ARL15: variants seen among roughly 807,000 people sequenced by gnomAD.
ARL15 encodes ADP-ribosylation factor-like protein 15.
A neutral mutation model predicts 25.2 loss-of-function variants in ARL15; 19 were observed. The observed-to-expected ratio is 0.75, with a 90% confidence interval of 0.53 to 1.10. The LOEUF (loss-of-function observed/expected upper bound fraction) is 1.10. ARL15 is among the 50% of genes least tolerant of loss of function. The probability of loss-of-function intolerance (pLI) is 0.00; values close to 1 mark genes in which losing one functional copy is unlikely to be tolerated. For synonymous variants in ARL15, 94 were observed against 86.8 expected (o/e 1.08, Z -0.46); for missense variants, 220 against 246.0 (o/e 0.89, Z 0.71).
intron 4 of ARL15, among the ~76,000 whole-genome samples, chr5:54,006,947 C>T (rs1749065089): frequency 6.6e-6 from 1 of 151,976 alleles, no homozygotes; most frequent in South Asian, 2.1e-4. Flanking sequence ...ACAAAATTAG[C>T]CGGGGTGGTG....
intron 1 of ARL15, among the ~76,000 whole-genome samples, chr5:54,259,339 T>C (rs13156373): frequency 0.067 from 10,271 of 152,260 alleles, 440 homozygotes; most frequent in African/African-American, 0.11. Flanking sequence ...CCATTCCTGA[T>C]GACTCACACC....
chr5:54,148,966 T>C (rs960114603), intron 3 of ARL15, among the ~76,000 whole-genome samples: 1 of 152,208 alleles, frequency 6.6e-6, no homozygotes, highest in African/African-American at 2.4e-5. Context: ...GAAACCTGTT[T>C]GTAAATTTAA....
At chr5:54,022,568 C>T (rs939528002) in intron 4 of ARL15, among the ~76,000 whole-genome samples, 4 of 152,106 alleles carry the variant, frequency 2.6e-5, no homozygotes, top group Non-Finnish European at 4.4e-5. Flanking sequence ...AGACTTTATC[C>T]GTATAACAAG....
At chr5:54,126,166 A>T (rs1390361361) in intron 3 of ARL15, among the ~76,000 whole-genome samples, 1 of 152,088 alleles carries the variant, frequency 6.6e-6, no homozygotes, top group Non-Finnish European at 1.5e-5. Flanking sequence ...CCTCTTTGGG[A>T]AAGTCTTTAC....
chr5:53,928,963 G>A (rs1451001188), intron 4 of ARL15, among the ~76,000 whole-genome samples: 1 of 152,120 alleles, frequency 6.6e-6, no homozygotes, highest in Non-Finnish European at 1.5e-5. Flanking sequence ...AGTTTGTATA[G>A]GGCCCACGTA....
chr5:54,237,700 G>A (rs908300509), intron 1 of ARL15, among the ~76,000 whole-genome samples: 1 of 152,190 alleles, frequency 6.6e-6, no homozygotes, highest in African/African-American at 2.4e-5. Context: ...GTTACCACCT[G>A]AGGGCACTAC....
chr5:53,915,094 A>C (rs1281150088), intron 4 of ARL15, among the ~76,000 whole-genome samples: 2 of 152,230 alleles, frequency 1.3e-5, no homozygotes, highest in Non-Finnish European at 2.9e-5. Context: ...TACAGGCATG[A>C]GCCACTGCAT....
intron 4 of ARL15, among the ~76,000 whole-genome samples, chr5:53,890,133 GTTATC>G (rs1358483363): frequency 1.3e-5 from 2 of 151,972 alleles, no homozygotes; most frequent in Admixed American, 6.6e-5. Context: ...TTTTTATTTT[GTTATC>G]TTATATCAAT....
intron 1 of ARL15, among the ~76,000 whole-genome samples, chr5:54,276,504 T>G (rs941340248): frequency 2.6e-5 from 4 of 152,210 alleles, no homozygotes; most frequent in Admixed American, 2.6e-4. Context: ...TTCTTTTTTC[T>G]CTAGAAGAGG....
chr5:53,954,174 T>C (rs531038325), intron 4 of ARL15, among the ~76,000 whole-genome samples: 63 of 152,000 alleles, frequency 4.1e-4, no homozygotes, highest in African/African-American at 1.5e-3. Context: ...TCCTAATGTT[T>C]GGGAAATCAG....
intron 4 of ARL15, among the ~76,000 whole-genome samples, chr5:53,928,260 G>A (rs3776738): frequency 0.078 from 11,819 of 152,234 alleles, 703 homozygotes; most frequent in East Asian, 0.34. Flanking sequence ...GATATTAAAT[G>A]AGGGCAGTAT....
intron 4 of ARL15, 149 bp downstream of exon 4, chr5:54,113,053 A>G: frequency 1.3e-6 from 1 of 744,646 alleles, no homozygotes; most frequent in Non-Finnish European, 2.1e-6. Flanking sequence ...AGATTGATAT[A>G]GGCTTTCTGC....
At chr5:53,958,722 A>G (rs1254942695) in intron 4 of ARL15, among the ~76,000 whole-genome samples, 1 of 152,204 alleles carries the variant, frequency 6.6e-6, no homozygotes, top group African/African-American at 2.4e-5. Flanking sequence ...ACAGATGAAA[A>G]AAGATATTGT....
intron 4 of ARL15, among the ~76,000 whole-genome samples, chr5:53,964,315 A>C (rs1580123357): frequency 6.6e-6 from 1 of 152,178 alleles, no homozygotes; most frequent in South Asian, 2.1e-4. Flanking sequence ...TCCCTTGAGA[A>C]AGATGCCTGA....
intron 4 of ARL15, among the ~76,000 whole-genome samples, chr5:53,927,875 G>A (rs184788412): frequency 1.1e-3 from 170 of 152,270 alleles, no homozygotes; most frequent in Non-Finnish European, 2.1e-4. Flanking sequence ...GTCTGACTTT[G>A]CCCTTTACTA....
At chr5:54,156,182 T>A (rs1754227201) in intron 2 of ARL15, among the ~76,000 whole-genome samples, 1 of 152,204 alleles carries the variant, frequency 6.6e-6, no homozygotes, top group East Asian at 1.9e-4. Flanking sequence ...ATCCCAGTAC[T>A]TTAATAAGCT....
intron 4 of ARL15, among the ~76,000 whole-genome samples, chr5:54,049,416 G>C (rs1750637885): frequency 6.6e-6 from 1 of 151,514 alleles, no homozygotes; most frequent in Non-Finnish European, 1.5e-5. Context: ...CTATACATAG[G>C]TATCTTAAAT....
intron 1 of ARL15, among the ~76,000 whole-genome samples, chr5:54,199,121 C>T (rs1445290899): frequency 2.0e-5 from 3 of 152,136 alleles, no homozygotes; most frequent in African/African-American, 7.2e-5. Context: ...TGGATCCCTT[C>T]CTTACATCTT....
At chr5:54,039,825 A>C (rs991134430) in intron 4 of ARL15, among the ~76,000 whole-genome samples, 3 of 151,060 alleles carry the variant, frequency 2.0e-5, no homozygotes, top group African/African-American at 7.3e-5. Flanking sequence ...AAAAAAAAAA[A>C]ACAAGGCAAA....
Sources: gnomAD v4.1 joint callset for allele counts (sites outside exome capture counted in the v4.1 genomes callset) on GRCh38, gnomAD v4.1.1 for gene constraint, MANE v1.5 for transcripts, NCBI Gene and HGNC (gene_info 2026-07-23, HGNC 2026-07-21) for gene names.